The following PPIP5K2 variants were observed in gnomAD, a reference collection of about 807,000 sequenced individuals.
The protein encoded by PPIP5K2 is diphosphoinositol pentakisphosphate kinase 2, also known as inositol hexakisphosphate and diphosphoinositol-pentakisphosphate kinase 2.
PPIP5K2 carries 105 observed loss-of-function variants against 154.6 expected under a neutral mutation model. The observed-to-expected ratio is 0.68, with a 90% CI of 0.58 to 0.80. The LOEUF (loss-of-function observed/expected upper bound fraction) is 0.80. Ranked by LOEUF, PPIP5K2 falls within the 30% of genes least tolerant of loss-of-function variation. PPIP5K2 has a pLI of 0.00. For missense variants in PPIP5K2, 992 were observed against 1,504.6 expected, an observed-to-expected ratio of 0.66 and a Z score of 5.64; for synonymous variants, 480 against 490.3, an observed-to-expected ratio of 0.98 and a Z score of 0.28.
At chr5:103,144,789 G>T (rs782368591) in intron 5 of PPIP5K2, among the ~76,000 whole-genome samples, 13 of 152,070 alleles carry the variant, frequency 8.5e-5, no homozygotes, top group Non-Finnish European at 1.8e-4. Context: ...TTAAATCTAA[G>T]ACCTGAAGCT....
rs994683191 is a variant in PPIP5K2 at position 103,172,744 on chromosome 5, T to A, written c.2287-411T>A. On this transcript the variant is annotated intron_variant, in intron 19 of 30. Transcript: ENST00000358359. Reference sequence around the variant, plus strand: ...TTGAAGAATGTGTTAGTCTTTTAAATCTTTGACATTTGGAAAAACAGAAAT... The same window carrying A: ...TTGAAGAATGTGTTAGTCTTTTAAAACTTTGACATTTGGAAAAACAGAAAT... 3.3e-5 allele frequency among the ~76,000 whole-genome samples: 5 copies of A among 151,986 alleles called. 1 individual carries two copies. In the South Asian group the frequency reaches 1.0e-3, roughly 31 times the overall value.
chr5:103,142,502 C>A (rs903522925), intron 5 of PPIP5K2, among the ~76,000 whole-genome samples: 1 of 152,236 alleles, frequency 6.6e-6, no homozygotes, highest in Admixed American at 6.5e-5. Flanking sequence ...AGCGGCGGGA[C>A]GAAGGGCTCC....
rs1026697899 is a variant in PPIP5K2 at position 103,183,763 on chromosome 5, G to T, written c.3096+356G>T. On this transcript the variant is annotated intron_variant, in intron 25 of 30. Coordinates refer to ENST00000358359, the MANE Select transcript of PPIP5K2 (RefSeq NM_001276277.3). ...CTTTCAGAAACAAATTATGTAATTT[G>T]ATTGTAAGAAAATGTATTAATATTT... Among the ~76,000 whole-genome samples the T allele has an allele frequency of 1.9e-4, 29 of 152,050 alleles. 1 individual carries two copies. The highest frequency in any genetic ancestry group is 4.4e-5 in the Non-Finnish European group (3 of 67,994).
In PPIP5K2 at chr5:103,203,096, A is replaced by G. The variant is rs1225095673; in HGVS notation, c.*1462A>G. Reference sequence around the variant, plus strand: ...GGAGACATGTCTTGTAAACAGTTGAATGTATGTAAGTTTTCTGTTTGTGAA... The same window carrying G: ...GGAGACATGTCTTGTAAACAGTTGAGTGTATGTAAGTTTTCTGTTTGTGAA... On this transcript the variant is annotated 3_prime_UTR_variant, in exon 31 of 31. Transcript: ENST00000358359. 1 of 152,552 alleles carries G rather than the reference A, an allele frequency of 6.6e-6. No individual in the cohort carries two copies. The highest frequency in any genetic ancestry group is 2.4e-5 in the African/African-American group (1 of 41,440). 9.4% of individuals were successfully genotyped at this position (152,552 alleles called of 1,614,324 possible). A position where few individuals can be genotyped will look rare whatever the true frequency, so the allele number is the denominator to read the frequency against.
chr5:103,133,787 A>G, intron 3 of PPIP5K2, 139 bp downstream of exon 3: 2 of 629,782 alleles, frequency 3.2e-6, no homozygotes, highest in South Asian at 4.9e-5. Flanking sequence ...ACATTGTGAT[A>G]TATTTCTTTC....
Position 103,151,351 on chromosome 5 carries a change from T to C in PPIP5K2, c.1005T>C (p.Tyr335=). The C allele has an allele frequency of 6.2e-7, 1 of 1,608,570 alleles. No individual in the cohort carries two copies. The highest frequency in any genetic ancestry group is 8.5e-7 in the Non-Finnish European group (1 of 1,176,354). The change falls in exon 9 of 31, where the codon TAT becomes TAC. Residue 335 remains tyrosine (Y), a synonymous_variant. Coordinates refer to ENST00000358359, the MANE Select transcript of PPIP5K2 (RefSeq NM_001276277.3). ...TTGTGAAAAATTCCATGAAGTATTA[T>C]GATGACTGTGCAAAAATACTTGGGT... ...FSFVKNSMKY[Y]DDCAKILGNI... is the part of the protein sequence containing the mutation.
chr5:103,178,059 T>A (rs1185135979), intron 23 of PPIP5K2, 79 bp downstream of exon 23: 12 of 897,520 alleles, frequency 1.3e-5, no homozygotes, highest in Non-Finnish European at 2.1e-5. Context: ...ATTTTTATAA[T>A]GTACTATAAA....
At position 103,120,450 on chromosome 5, in the gene PPIP5K2, A is replaced by G. The variant is rs782285976; in HGVS notation, c.-323A>G. The G allele has an allele frequency of 2.0e-5, 9 of 456,614 alleles. No individual in the cohort carries two copies. Among genetic ancestry groups the G allele is most frequent in the East Asian group, 6.9e-5 (1 of 14,398 alleles). The allele number at this position is 456,614 out of a possible 1,614,324, so 28.3% of individuals were successfully genotyped here. A position where few individuals can be genotyped will look rare whatever the true frequency, so the allele number is the denominator to read the frequency against. On this transcript the variant is annotated 5_prime_UTR_variant, in exon 1 of 31. Transcript: ENST00000358359. ...AACCTAGACCTGAATGGGCTTGACC[A>G]TCTCACAACTGCTCGCGTGACGACC...
At chr5:103,170,161 A>G (rs1797758446) in intron 19 of PPIP5K2, among the ~76,000 whole-genome samples, 1 of 151,628 alleles carries the variant, frequency 6.6e-6, no homozygotes, top group African/African-American at 2.4e-5. Flanking sequence ...TACATGGTGT[A>G]TGTATTTCAG....
intron 3 of PPIP5K2, 107 bp downstream of exon 3, chr5:103,133,755 C>T (rs1554203408): frequency 1.2e-6 from 1 of 831,352 alleles, no homozygotes; most frequent in Non-Finnish European, 1.7e-6. Flanking sequence ...CATTAACTCA[C>T]TTTCATGGAC....
chr5:103,131,610 C>G (rs2149463495), intron 2 of PPIP5K2, among the ~76,000 whole-genome samples: 1 of 152,216 alleles, frequency 6.6e-6, no homozygotes, highest in South Asian at 2.1e-4. Context: ...TAGTATGATG[C>G]ACTATTATCA....
In PPIP5K2 at chr5:103,184,007, G is replaced by C. The variant is rs1222310544; in HGVS notation, c.3096+600G>C. On this transcript the variant is annotated intron_variant, in intron 25 of 30. Coordinates refer to ENST00000358359, the MANE Select transcript of PPIP5K2 (RefSeq NM_001276277.3). ...TTTAATATTTTAATGTTCTCTTTAA[G>C]AGGGAACAATTGCATATGTGCCCAT... 2.0e-5 allele frequency among the ~76,000 whole-genome samples: 3 copies of C among 152,032 alleles called. No individual in the cohort carries two copies. The East Asian group carries it at 5.8e-4, about 29-fold the overall frequency.
chr5:103,186,332 C>T lies in PPIP5K2; in HGVS notation c.3182C>T (p.Ala1061Val), dbSNP rs782150216. 22 of 1,613,584 alleles carry T rather than the reference C, an allele frequency of 1.4e-5. No homozygotes were observed. The highest frequency in any genetic ancestry group is 1.3e-5 in the African/African-American group (1 of 74,868). ...KQNPTVGSHC[A>V]GLFSTSVLGG... is the part of the protein sequence containing the mutation. Reference sequence around the variant, plus strand: ...TAACTCCCATCAGGGTCTCACTGTGCGGGCCTGTTTAGCACCTCGGTGCTC... The same window carrying T: ...TAACTCCCATCAGGGTCTCACTGTGTGGGCCTGTTTAGCACCTCGGTGCTC... Residue 1061 changes from alanine to valine, a missense_variant, in exon 27 of 31, where the codon GCG becomes GTG. Ala to Val is a moderately conservative substitution (Grantham distance 64). This residue lies in a region of PPIP5K2 where 204 missense variants were observed against 224.0 expected (regional missense o/e 0.91). Coordinates refer to ENST00000358359, the MANE Select transcript of PPIP5K2 (RefSeq NM_001276277.3).
intron 6 of PPIP5K2, among the ~76,000 whole-genome samples, chr5:103,147,095 T>G (rs1419884687): frequency 6.6e-6 from 1 of 151,960 alleles, no homozygotes; most frequent in African/African-American, 2.4e-5. Flanking sequence ...ATAATGACAT[T>G]GTATTACTTT....
At position 103,201,653 on chromosome 5, in the gene PPIP5K2, A is replaced by C. The variant is rs1554230526; in HGVS notation, c.*19A>C. The C allele has an allele frequency of 6.7e-7, 1 of 1,482,422 alleles. No homozygotes were observed. Among genetic ancestry groups the C allele is most frequent in the Non-Finnish European group, 9.3e-7 (1 of 1,071,244 alleles). The allele number at this position is 1,482,422 out of a possible 1,614,324, so 91.8% of individuals were successfully genotyped here. On this transcript the variant is annotated 3_prime_UTR_variant, in exon 31 of 31. Transcript: ENST00000358359. ...GAAATGAAATCTTAGCAGAAGCTGGAACTTTTTATACTTATAAAAATAGTA... is the reference window on the plus strand; with the variant it reads ...GAAATGAAATCTTAGCAGAAGCTGGCACTTTTTATACTTATAAAAATAGTA...
chr5:103,153,811 T>G, intron 10 of PPIP5K2, 37 bp from the exon 11 acceptor site: 1 of 1,428,592 alleles, frequency 7.0e-7, no homozygotes, highest in Non-Finnish European at 9.7e-7. Flanking sequence ...CAAATCTTTT[T>G]TAGAGAATTA....
intron 28 of PPIP5K2, chr5:103,189,085 C>G (rs1800828382): frequency 2.9e-6 from 3 of 1,037,786 alleles, no homozygotes; most frequent in Non-Finnish European, 4.2e-6. Flanking sequence ...ACTTACCCCT[C>G]CCTTCATCTT....
chr5:103,129,775 CT>C (rs1562365761), intron 2 of PPIP5K2, 72 bp downstream of exon 2: 6 of 1,398,162 alleles, frequency 4.3e-6, no homozygotes, highest in South Asian at 1.8e-5. Context: ...CACTGTTAGT[CT>C]TTTTTTGTTG....
At chr5:103,151,132 C>T (rs1223766416) in intron 8 of PPIP5K2, 121 bp from the exon 9 acceptor site, 2 of 701,724 alleles carry the variant, frequency 2.9e-6, no homozygotes, top group African/African-American at 1.8e-5. Context: ...ATGAAGTAAA[C>T]CACTATATAG....
Sources: allele counts gnomAD v4.1 joint callset (sites outside exome capture counted in the v4.1 genomes callset), GRCh38; gene constraint gnomAD v4.1.1; regional missense constraint gnomAD v4.1.1; transcripts MANE v1.5; gene names NCBI Gene and HGNC (gene_info 2026-07-23, HGNC 2026-07-21).